Variants in SOD2 observed in about 807,000 individuals in gnomAD.
SOD2 encodes superoxide dismutase [Mn], mitochondrial.
SOD2 carries 11 observed loss-of-function variants against 27.0 expected under a neutral mutation model. The observed-to-expected ratio is 0.41, with a 90% CI of 0.26 to 0.67. SOD2 has a LOEUF of 0.67. SOD2 is among the 30% of genes least tolerant of loss of function. The pLI is 0.34. For synonymous variants in SOD2, 105 were observed against 103.0 expected, an observed-to-expected ratio of 1.02 and a Z score of -0.12; for missense variants, 250 against 274.5, an observed-to-expected ratio of 0.91 and a Z score of 0.63.
intron 1 of SOD2, among the ~76,000 whole-genome samples, chr6:159,714,544 AT>A (rs1247818681): frequency 6.6e-6 from 1 of 152,112 alleles, no homozygotes; most frequent in African/African-American, 2.4e-5. Flanking sequence ...CAGCCTCTAG[AT>A]GTTTTGCTCG....
intron 1 of SOD2, among the ~76,000 whole-genome samples, chr6:159,759,021 G>A (rs1780069554): frequency 6.6e-6 from 1 of 151,726 alleles, no homozygotes; most frequent in Non-Finnish European, 1.5e-5. Context: ...ACCAGTCCAG[G>A]TAGTTTATGA....
exon 1 of SOD2, chr6:159,762,184 C>T (rs745986735): frequency 1.3e-6 from 2 of 1,590,954 alleles, no homozygotes; most frequent in African/African-American, 2.7e-5. Flanking sequence ...GAGGCGCCTG[C>T]TGCTTCGGCA....
At position 159,723,444 on chromosome 6, in the gene SOD2, G is replaced by A. The variant is rs148636972; in HGVS notation, c.-116+3685C>T. Among the ~76,000 whole-genome samples, 36 of 152,288 alleles carry A rather than the reference G, an allele frequency of 2.4e-4. 1 individual carries two copies. The East Asian group carries it at 5.4e-3, about 23-fold the overall frequency. On this transcript the variant is annotated intron_variant, in intron 1 of 2. Transcript: ENST00000401980. ...CCTCATTGGTCTAAGCACTTCCTCT[G>A]CATTCAGGCACAACGAAATACCTGG...
At chr6:159,746,561 C>G (rs73601326), upstream of SOD2, among the ~76,000 whole-genome samples, 1,764 of 152,246 alleles carry the variant, frequency 0.012, 29 homozygotes, top group African/African-American at 0.041. Flanking sequence ...TGTCTACATG[C>G]AGTCTTTGCC....
chr6:159,712,622 T>A lies in SOD2; in HGVS notation c.-116+14507A>T, dbSNP rs535860649. ...CAACGACCACTCAGCTGCTCTGACC[T>A]CCATAACCACCTCCATAACCACCAC... On this transcript the variant is annotated intron_variant, in intron 1 of 2. Transcript: ENST00000401980. Among the ~76,000 whole-genome samples the A allele has an allele frequency of 7.5e-3, 968 of 128,502 alleles. 5 individuals carry two copies. Among genetic ancestry groups the A allele is most frequent in the African/African-American group, 0.012 (430 of 34,540 alleles). 84.3% of individuals were successfully genotyped at this position (128,502 alleles called of 152,430 possible).
At position 159,678,390 on chromosome 6, in the gene SOD2, G is replaced by A. The variant is rs1399149628; in HGVS notation, c.*4103C>T. Reference sequence around the variant, plus strand: ...AAAAATACAAAAATTAGCTGGGCATGGTGGTGCACACTTGTAATCCCAGCT... The same window carrying A: ...AAAAATACAAAAATTAGCTGGGCATAGTGGTGCACACTTGTAATCCCAGCT... On this transcript the variant is annotated 3_prime_UTR_variant, in exon 5 of 5. Coordinates refer to ENST00000538183, the MANE Select transcript of SOD2 (RefSeq NM_000636.4). 3 of 152,144 alleles carry A rather than the reference G, an allele frequency of 2.0e-5. No homozygotes were observed. The allele number at this position is 152,144 out of a possible 1,614,324, so 9.4% of individuals were successfully genotyped here. A position where few individuals can be genotyped will look rare whatever the true frequency, so the allele number is the denominator to read the frequency against.
chr6:159,743,771 A>G (rs35059844), intron 1 of SOD2: 1 of 1,612,818 alleles, frequency 6.2e-7, no homozygotes, highest in African/African-American at 1.3e-5. Flanking sequence ...CAACCAAGGA[A>G]CAAGAGATGC....
chr6:159,758,351 T>G (rs539411540), intron 1 of SOD2, among the ~76,000 whole-genome samples: 2 of 152,238 alleles, frequency 1.3e-5, no homozygotes, highest in South Asian at 2.1e-4. Context: ...GCCCCCTGAT[T>G]GGTGCCCCAG....
chr6:159,755,341 A>AGG, intron 1 of SOD2: 1 of 1,614,234 alleles, frequency 6.2e-7, no homozygotes. Flanking sequence ...CTTCTTCTCC[A>AGG]GGGAATGGTA....
chr6:159,744,473 C>T (rs188401490), intron 1 of SOD2, among the ~76,000 whole-genome samples: 241 of 152,236 alleles, frequency 1.6e-3, no homozygotes, highest in African/African-American at 5.6e-3. Context: ...TTATTAAAGT[C>T]TTCTAAGATA....
chr6:159,749,265 A>T (rs1779735024), upstream of SOD2: 1 of 985,374 alleles, frequency 1.0e-6, no homozygotes, highest in Non-Finnish European at 1.2e-6. Flanking sequence ...TCACTGCATT[A>T]TTTTTTTTAG....
In SOD2 at chr6:159,698,310, A is replaced by G. The variant is rs533442561; in HGVS notation, c.-115-5447T>C. Among the ~76,000 whole-genome samples, 442 of 151,408 alleles carry G rather than the reference A, an allele frequency of 2.9e-3. 2 individuals are homozygous for G. Among genetic ancestry groups the G allele is most frequent in the African/African-American group, 0.01 (423 of 41,198 alleles). ...ACAAACAAACAAAAAACAAAACAAA[A>G]AAAACACTTGAACCCAGGAGGTGGA... On this transcript the variant is annotated intron_variant, in intron 1 of 2. Coordinates refer to the SOD2 transcript ENST00000401980.
intron 1 of SOD2, chr6:159,755,555 C>T (rs187127278): frequency 3.0e-5 from 48 of 1,614,012 alleles, no homozygotes; most frequent in Non-Finnish European, 3.6e-5. Context: ...TGTGGGTTCC[C>T]GCCACGTTCA....
rs188328898 is a variant in SOD2, at chr6:159,743,487, C to G, written c.-116+1643G>C. 3.7e-3 allele frequency among the ~76,000 whole-genome samples: 566 copies of G among 152,340 alleles called. 3 individuals are homozygous for G. The highest frequency in any genetic ancestry group is 0.013 in the African/African-American group (531 of 41,570). On this transcript the variant is annotated intron_variant, in intron 1 of 3. Transcript: ENST00000537657. ...AGTTAGTAGTCATGGAGCACTATGACACCATTGTCTCCTAAAGGAGCTCTC... is the reference window on the plus strand; with the variant it reads ...AGTTAGTAGTCATGGAGCACTATGAGACCATTGTCTCCTAAAGGAGCTCTC...
At chr6:159,718,798 T>G (rs1424157943) in intron 1 of SOD2, among the ~76,000 whole-genome samples, 1 of 152,142 alleles carries the variant, frequency 6.6e-6, no homozygotes, top group Non-Finnish European at 1.5e-5. Flanking sequence ...TAACTGTGAA[T>G]AGGAGATAAC....
rs6939440 is a variant in SOD2 at position 159,736,681 on chromosome 6, C to T, written c.-116+8449G>A. ...TATTATTCTTTTCCTAGTGTAAATC[C>T]CTTTGATTGTAATTAAAAACTACTT... On this transcript the variant is annotated intron_variant, in intron 1 of 3. Transcript: ENST00000537657. The T allele has an allele frequency of 5.1e-3, 795 of 156,798 alleles. 5 individuals are homozygous for T. The highest frequency in any genetic ancestry group is 0.018 in the African/African-American group (751 of 41,624). The allele number at this position is 156,798 out of a possible 1,614,324, so 9.7% of individuals were successfully genotyped here.
intron 1 of SOD2, among the ~76,000 whole-genome samples, chr6:159,734,898 TTTTC>T (rs1469977338): frequency 6.6e-6 from 1 of 152,182 alleles, no homozygotes; most frequent in Non-Finnish European, 1.5e-5. Flanking sequence ...ATTACACATT[TTTTC>T]TTTGTCTTTT....
intron 1 of SOD2, chr6:159,726,694 T>G: frequency 8.7e-7 from 1 of 1,149,390 alleles, no homozygotes. Context: ...CAAGGGGCCC[T>G]CAACGCCGCG....
intron 2 of SOD2, chr6:159,692,225 G>C (rs1483297747): frequency 1.1e-5 from 4 of 370,756 alleles, no homozygotes; most frequent in Non-Finnish European, 1.9e-5. Context: ...GTGGACAGGC[G>C]CTCTCAGCCC....
Sources: gnomAD v4.1 joint callset for allele counts (sites outside exome capture counted in the v4.1 genomes callset) on GRCh38, gnomAD v4.1.1 for gene constraint, MANE v1.5 for transcripts, NCBI Gene and HGNC (gene_info 2026-07-23, HGNC 2026-07-21) for gene names.